The following KIF1A variants were observed in gnomAD, a reference collection of about 807,000 sequenced individuals.
The protein encoded by KIF1A is kinesin-like protein KIF1A.
KIF1A carries 46 observed loss-of-function variants against 227.3 expected under a neutral mutation model. The ratio of observed to expected loss-of-function variants is 0.20; its 90% CI spans 0.16 to 0.26. The LOEUF is 0.26. Ranked by LOEUF, KIF1A falls within the 10% of genes least tolerant of loss-of-function variation. The pLI is 1.00. For synonymous variants in KIF1A, 1,022 were observed against 1,012.8 expected, an observed-to-expected ratio of 1.01 and a Z score of -0.17; for missense variants, 1,683 against 2,485.9, an observed-to-expected ratio of 0.68 and a Z score of 6.87.
chr2:240,810,053 A>T (rs527430751), intron 1 of KIF1A, among the ~76,000 whole-genome samples: 2 of 152,146 alleles, frequency 1.3e-5, no homozygotes, highest in Non-Finnish European at 2.9e-5. Flanking sequence ...GCCTCAAGTG[A>T]TCCACCCACC....
Position 240,761,389 on chromosome 2 carries a change from G to A in KIF1A, c.2117-12C>T. On this transcript the variant is annotated splice_polypyrimidine_tract_variant and intron_variant, in intron 23 of 48. Coordinates refer to ENST00000498729, the MANE Select transcript of KIF1A (RefSeq NM_001244008.2). ...CTCTGTCCACTGGACTGTGGGGAGA[G>A]GTCACACGTGGTCATCGCAGGAAGG... 2 of 1,571,992 alleles carry A rather than the reference G, an allele frequency of 1.3e-6. No individual in the cohort carries two copies. The highest frequency in any genetic ancestry group is 1.7e-6 in the Non-Finnish European group (2 of 1,154,036).
Position 240,792,006 on chromosome 2 carries a change from C to A in KIF1A, c.107-2694G>T, listed in dbSNP as rs571521238. Among the ~76,000 whole-genome samples the A allele has an allele frequency of 5.9e-5, 9 of 152,014 alleles. No individual in the cohort carries two copies. In the East Asian group the frequency reaches 1.8e-3, roughly 30 times the overall value. ...GGCCATGTATTGTGTCTGGGAGCCC[C>A]ACCCCACCCTGGCCCTGCCACCCCT... On this transcript the variant is annotated intron_variant, in intron 2 of 48. Transcript: ENST00000498729. This position sits in a 1 kb window ranked among gnomAD's most constrained non-coding sequence, Gnocchi z 4.5.
chr2:240,792,583 T>C lies in KIF1A; in HGVS notation c.107-3271A>G, dbSNP rs1387808539. Among the ~76,000 whole-genome samples, 1 of 151,890 alleles carries C rather than the reference T, an allele frequency of 6.6e-6. No homozygotes were observed. The highest frequency in any genetic ancestry group is 2.4e-5 in the African/African-American group (1 of 41,322). ...GAAGGGGGACGGGAAAGGAATGGAA[T>C]ACAGCCGTTTTCTCAGAGTCTCAGC... On this transcript the variant is annotated intron_variant, in intron 2 of 48. Coordinates refer to ENST00000498729, the MANE Select transcript of KIF1A (RefSeq NM_001244008.2). This position sits in a 1 kb window ranked among gnomAD's most constrained non-coding sequence, Gnocchi z 4.5.
chr2:240,761,182 G>A, intron 24 of KIF1A, 47 bp downstream of exon 24: 1 of 1,573,500 alleles, frequency 6.4e-7, no homozygotes, highest in Non-Finnish European at 8.7e-7. Context: ...TGAGTGAGGT[G>A]ACACACTCTC....
At chr2:240,819,163 C>A (rs972599277) in intron 1 of KIF1A, among the ~76,000 whole-genome samples, 3 of 152,162 alleles carry the variant, frequency 2.0e-5, no homozygotes, top group Admixed American at 1.3e-4. Context: ...GCTGCCCCGG[C>A]CCTTCCCAGC....
intron 10 of KIF1A, chr2:240,782,251 C>T: frequency 1.1e-6 from 1 of 948,788 alleles, no homozygotes; most frequent in Non-Finnish European, 1.3e-6. Context: ...TCAGGGCTCC[C>T]CAGCCCTCTC....
At chr2:240,744,892 C>T (rs1044641844) in intron 32 of KIF1A, among the ~76,000 whole-genome samples, 10 of 152,210 alleles carry the variant, frequency 6.6e-5, no homozygotes, top group East Asian at 3.9e-4. Context: ...TCCTTATCAC[C>T]GTTAGGCACT....
At chr2:240,763,445 G>T in intron 20 of KIF1A, 99 bp from the exon 21 acceptor site, 8 of 1,142,680 alleles carry the variant, frequency 7.0e-6, no homozygotes, top group South Asian at 1.6e-5. Context: ...AACGGGTGCA[G>T]GCACCCCACC....
chr2:240,720,162 G>A (rs1360745117), intron 45 of KIF1A: 1 of 414,850 alleles, frequency 2.4e-6, no homozygotes, highest in Admixed American at 4.2e-5. Flanking sequence ...GGAACCTCGG[G>A]GCCCAGCCAG....
intron 17 of KIF1A, among the ~76,000 whole-genome samples, chr2:240,768,050 G>A (rs1043999700): frequency 1.3e-5 from 2 of 152,240 alleles, no homozygotes; most frequent in Non-Finnish European, 2.9e-5. Flanking sequence ...ACAGCTTTGG[G>A]GCTGAGTAGG....
chr2:240,785,006 T>C lies in KIF1A; in HGVS notation c.703A>G (p.Asn235Asp), dbSNP rs548964176. 3 of 1,613,466 alleles carry C rather than the reference T, an allele frequency of 1.9e-6. No individual in the cohort carries two copies. The highest frequency in any genetic ancestry group is 4.5e-5 in the East Asian group (2 of 44,882). The change falls in exon 7 of 49, where the codon AAT becomes GAT. Residue 235 changes from asparagine (N) to aspartate (D), a missense_variant. Asn to Asp is a conservative substitution (Grantham distance 23). Around this residue, in one of 12 missense-constraint regions of KIF1A, gnomAD observed 21 missense variants for 35.2 expected, o/e 0.60. Coordinates refer to ENST00000498729, the MANE Select transcript of KIF1A (RefSeq NM_001244008.2). Reference sequence around the variant, plus strand: ...TCACTCACCTTCTCCGTGGTGATATTGGTCTCTGCGTCATGGCGCTTCTGG... The same window carrying C: ...TCACTCACCTTCTCCGTGGTGATATCGGTCTCTGCGTCATGGCGCTTCTGG... ...FTQKRHDAETNITTEKVSKIS... is the reference protein window; with the variant it reads ...FTQKRHDAETDITTEKVSKIS...
intron 27 of KIF1A, among the ~76,000 whole-genome samples, chr2:240,753,806 C>G (rs1231281877): frequency 6.6e-6 from 1 of 152,146 alleles, no homozygotes; most frequent in Admixed American, 6.5e-5. Flanking sequence ...GTACTTATAC[C>G]TCATCGCACA....
intron 1 of KIF1A, among the ~76,000 whole-genome samples, chr2:240,819,672 C>T (rs956340189): frequency 3.4e-4 from 51 of 151,842 alleles, no homozygotes; most frequent in African/African-American, 1.2e-3. Flanking sequence ...CGTCCTCAGC[C>T]CCGCTCACCA....
intron 29 of KIF1A, 43 bp downstream of exon 29, chr2:240,747,193 G>T (rs763554778): frequency 6.8e-7 from 1 of 1,479,194 alleles, no homozygotes; most frequent in South Asian, 1.1e-5. Context: ...TCCAGTGAGC[G>T]CCAGGCACCT....
rs779578515 is a variant in KIF1A at position 240,722,526 on chromosome 2, G to T, written c.4595C>A (p.Pro1532Gln). 40 of 1,548,562 alleles carry T rather than the reference G, an allele frequency of 2.6e-5. No homozygotes were observed. The highest frequency in any genetic ancestry group is 3.4e-5 in the Non-Finnish European group (39 of 1,146,810). Residue 1532 changes from proline (P) to glutamine (Q), a missense_variant, in exon 43 of 49, where the codon CCG (proline) becomes CAG (glutamine). This residue lies in a region of KIF1A where 384 missense variants were observed against 410.1 expected (regional missense o/e 0.94). Coordinates refer to ENST00000498729, the MANE Select transcript of KIF1A (RefSeq NM_001244008.2). ...TGATGGGCGGCCCTCAGCCGAGAGC[G>T]GGGAGGAGGCGCTGGAGGAGCCATG... ...ESHGSSSASS[P>Q]LSAEGRPSPL...
intron 16 of KIF1A, 108 bp downstream of exon 16, chr2:240,769,519 G>T (rs2051652445): frequency 2.2e-6 from 2 of 890,406 alleles, no homozygotes; most frequent in Non-Finnish European, 1.7e-6. Flanking sequence ...GCCACCCCAT[G>T]GTGCAGGTGC....
Position 240,760,851 on chromosome 2 carries a change from A to C in KIF1A, c.2266-8T>G. On this transcript the variant is annotated splice_polypyrimidine_tract_variant and splice_region_variant and intron_variant, in intron 24 of 48. Coordinates refer to ENST00000498729, the MANE Select transcript of KIF1A (RefSeq NM_001244008.2). ...GACAAACTGGAATTGTACCTGTGAC[A>C]GGGGAAGATGACCACTCGTCAGCTC... is the stretch of plus-strand genomic sequence containing the variant. 6.2e-7 allele frequency: 1 copy of C among 1,604,344 alleles called. No homozygotes were observed. The highest frequency in any genetic ancestry group is 8.5e-7 in the Non-Finnish European group (1 of 1,176,556).
In KIF1A at chr2:240,791,240, C is replaced by T. The variant is rs550068440; in HGVS notation, c.107-1928G>A. 3.9e-5 allele frequency among the ~76,000 whole-genome samples: 6 copies of T among 152,232 alleles called. No individual in the cohort carries two copies. The South Asian group carries it at 6.2e-4, about 16-fold the overall frequency. On this transcript the variant is annotated intron_variant, in intron 2 of 48. Transcript: ENST00000498729. ...CGGGACCCAACAGCACCCGTGGCGC[C>T]GCCTCCAGAACCCTAGCACGATCAA... is the stretch of plus-strand genomic sequence containing the variant.
chr2:240,794,262 C>T (rs2056105579), intron 2 of KIF1A, among the ~76,000 whole-genome samples: 1 of 152,258 alleles, frequency 6.6e-6, no homozygotes, highest in Non-Finnish European at 1.5e-5. Flanking sequence ...CCAGCACTTT[C>T]TTCCAAAACC....
Sources: allele counts gnomAD v4.1 joint callset (sites outside exome capture counted in the v4.1 genomes callset), GRCh38; gene constraint gnomAD v4.1.1; regional missense constraint gnomAD v4.1.1; non-coding constraint Gnocchi (gnomAD v3.1); transcripts MANE v1.5; gene names NCBI Gene and HGNC (gene_info 2026-07-23, HGNC 2026-07-21).